The following FHIP1A variants were observed in gnomAD, a reference collection of about 807,000 sequenced individuals.
FHIP1A encodes the protein FHF complex subunit HOOK-interacting protein 1A.
A neutral mutation model predicts 88.6 loss-of-function variants in FHIP1A; 61 were observed. The observed-to-expected ratio is 0.69, with a 90% CI of 0.56 to 0.85. FHIP1A has a LOEUF of 0.85. FHIP1A is among the 40% of genes least tolerant of loss of function. The probability of loss-of-function intolerance (pLI) is 0.00; values close to 1 mark genes in which losing one functional copy is unlikely to be tolerated. For synonymous variants in FHIP1A, 478 were observed against 496.0 expected (o/e 0.96, Z 0.48); for missense variants, 1,154 against 1,273.5 (o/e 0.91, Z 1.43).
intron 3 of FHIP1A, among the ~76,000 whole-genome samples, chr4:151,506,782 G>A (rs1355557350): frequency 6.6e-6 from 1 of 152,074 alleles, no homozygotes. Flanking sequence ...AGACTTGGAG[G>A]GGACACATAT....
At chr4:151,480,085 A>G (rs1729840460) in intron 2 of FHIP1A, among the ~76,000 whole-genome samples, 1 of 152,106 alleles carries the variant, frequency 6.6e-6, no homozygotes, top group South Asian at 2.1e-4. Flanking sequence ...GATGACAACC[A>G]AGAGAATTAT....
At chr4:151,478,358 A>G (rs533982452) in intron 2 of FHIP1A, among the ~76,000 whole-genome samples, 3 of 152,290 alleles carry the variant, frequency 2.0e-5, no homozygotes, top group African/African-American at 7.2e-5. Flanking sequence ...CCTCATTTCA[A>G]AAAAAATCTA....
intron 4 of FHIP1A, among the ~76,000 whole-genome samples, chr4:151,570,555 G>C (rs1309090933): frequency 1.3e-5 from 2 of 152,162 alleles, no homozygotes; most frequent in East Asian, 3.9e-4. Context: ...TGGCTCAAGA[G>C]ATCCTGCTCC....
intron 3 of FHIP1A, among the ~76,000 whole-genome samples, chr4:151,484,494 G>A (rs574176093): frequency 2.6e-5 from 4 of 152,310 alleles, no homozygotes; most frequent in African/African-American, 7.2e-5. Flanking sequence ...AGTAGCTTAG[G>A]TGGTTGTAGG....
intron 3 of FHIP1A, among the ~76,000 whole-genome samples, chr4:151,545,036 C>T (rs1300512301): frequency 6.6e-6 from 1 of 152,198 alleles, no homozygotes; most frequent in Non-Finnish European, 1.5e-5. Flanking sequence ...GATCATGCCA[C>T]TGCACTCCAG....
intron 3 of FHIP1A, among the ~76,000 whole-genome samples, chr4:151,551,817 A>G (rs1225194009): frequency 6.6e-6 from 1 of 152,238 alleles, no homozygotes; most frequent in South Asian, 2.1e-4. Flanking sequence ...TGGCAACAAA[A>G]GACAAAATTG....
At position 151,662,697 on chromosome 4, in the gene FHIP1A, G is replaced by C; in HGVS notation, c.3066G>C (p.Gln1022His). ...EFLKELAALA[Q>H]EHSILCYKIL... ...TGAAGGAGCTGGCGGCCTTGGCCCA[G>C]GAACACTCCATTCTGTGCTACAAGA... Residue 1022 changes from glutamine (Q) to histidine (H), a missense_variant, in exon 14 of 14, where the codon CAG becomes CAC. By Grantham distance (24) the Gln-to-His change is conservative. Coordinates refer to ENST00000435205, the MANE Select transcript of FHIP1A (RefSeq NM_001109977.3). 6.4e-7 allele frequency: 1 copy of C among 1,551,064 alleles called. No individual in the cohort carries two copies. Among genetic ancestry groups the C allele is most frequent in the Non-Finnish European group, 8.7e-7 (1 of 1,146,930 alleles).
At chr4:151,593,958 T>G (rs545358425) in intron 7 of FHIP1A, among the ~76,000 whole-genome samples, 7 of 152,214 alleles carry the variant, frequency 4.6e-5, no homozygotes. Flanking sequence ...TTATTGAGAG[T>G]TTTTAGCGTG....
chr4:151,588,823 A>G lies in FHIP1A; in HGVS notation c.892-17A>G, dbSNP rs370884694. On this transcript the variant is annotated splice_polypyrimidine_tract_variant and intron_variant, in intron 6 of 13. Coordinates refer to ENST00000435205, the MANE Select transcript of FHIP1A (RefSeq NM_001109977.3). ...TGAACTCTTTGCCTTTTTCATGCCT[A>G]TGTGCCTCTCTCTCAGGTGGCTCAC... 49 of 1,498,476 alleles carry G rather than the reference A, an allele frequency of 3.3e-5. No individual in the cohort carries two copies. Among genetic ancestry groups the G allele is most frequent in the East Asian group, 4.9e-5 (2 of 40,662 alleles). 92.8% of individuals were successfully genotyped at this position (1,498,476 alleles called of 1,614,324 possible). A position where few individuals can be genotyped will look rare whatever the true frequency, so the allele number is the denominator to read the frequency against.
At chr4:151,531,296 CTGAA>C (rs1731869014) in intron 3 of FHIP1A, among the ~76,000 whole-genome samples, 2 of 151,880 alleles carry the variant, frequency 1.3e-5, no homozygotes, top group African/African-American at 4.8e-5. Context: ...GCAATCAGGA[CTGAA>C]TGACCAAGTG....
chr4:151,550,398 A>T (rs1300025160), intron 3 of FHIP1A, among the ~76,000 whole-genome samples: 3 of 152,152 alleles, frequency 2.0e-5, no homozygotes, highest in Non-Finnish European at 4.4e-5. Flanking sequence ...GTGTATTTTT[A>T]AATTAGCCAA....
intron 3 of FHIP1A, among the ~76,000 whole-genome samples, chr4:151,545,212 A>G (rs558440553): frequency 2.0e-5 from 3 of 152,316 alleles, no homozygotes; most frequent in African/African-American, 7.2e-5. Flanking sequence ...AAGTAAATGC[A>G]ATGACTTTTT....
intron 3 of FHIP1A, among the ~76,000 whole-genome samples, chr4:151,526,454 CT>C: frequency 6.8e-6 from 1 of 147,830 alleles, no homozygotes; most frequent in African/African-American, 2.6e-5. Flanking sequence ...CCCCACCTCC[CT>C]CCCGGATGAG....
intron 2 of FHIP1A, among the ~76,000 whole-genome samples, chr4:151,457,838 A>C (rs1409790611): frequency 1.3e-5 from 2 of 152,194 alleles, no homozygotes; most frequent in Non-Finnish European, 2.9e-5. Flanking sequence ...AATGGTAAGA[A>C]CTATGACAGA....
chr4:151,609,153 G>A (rs1054418154), intron 7 of FHIP1A, among the ~76,000 whole-genome samples: 5 of 152,238 alleles, frequency 3.3e-5, no homozygotes, highest in South Asian at 2.1e-4. Flanking sequence ...TGCAATACTG[G>A]CCACTCAGTG....
At chr4:151,612,589 C>G (rs1735366511) in intron 7 of FHIP1A, among the ~76,000 whole-genome samples, 1 of 152,190 alleles carries the variant, frequency 6.6e-6, no homozygotes, top group Non-Finnish European at 1.5e-5. Context: ...ACCTTGTTGA[C>G]CAGGCTGGTC....
intron 1 of FHIP1A, among the ~76,000 whole-genome samples, chr4:151,434,816 A>T (rs1733738849): frequency 6.6e-6 from 1 of 152,188 alleles, no homozygotes; most frequent in African/African-American, 2.4e-5. Flanking sequence ...AGTAATGAGT[A>T]GGTCACTGGT....
chr4:151,615,747 C>T (rs1289697118), intron 7 of FHIP1A, among the ~76,000 whole-genome samples: 1 of 152,172 alleles, frequency 6.6e-6, no homozygotes, highest in African/African-American at 2.4e-5. Context: ...CTGTTTAACT[C>T]AGAGGGCTTA....
chr4:151,539,142 C>T (rs371169574), intron 3 of FHIP1A, among the ~76,000 whole-genome samples: 4 of 152,192 alleles, frequency 2.6e-5, no homozygotes, highest in Non-Finnish European at 5.9e-5. Flanking sequence ...TAGCACTTCT[C>T]CCCCAAAGGA....
Sources: allele counts gnomAD v4.1 joint callset (sites outside exome capture counted in the v4.1 genomes callset), GRCh38; gene constraint gnomAD v4.1.1; transcripts MANE v1.5; gene names NCBI Gene and HGNC (gene_info 2026-07-23, HGNC 2026-07-21).